The following REC114 variants were observed in gnomAD, a reference collection of about 807,000 sequenced individuals.
The protein encoded by REC114 is meiotic recombination protein REC114.
A neutral mutation model predicts 31.3 loss-of-function variants in REC114; 27 were observed. The ratio of observed to expected loss-of-function variants is 0.86; its 90% CI spans 0.64 to 1.19. The LOEUF (loss-of-function observed/expected upper bound fraction) is 1.19, where lower values mean the gene tolerates loss of function less well. Ranked by LOEUF, REC114 falls within the 50% of genes most tolerant of loss-of-function variation. The pLI is 0.00. For missense variants in REC114, 344 were observed against 326.9 expected, an observed-to-expected ratio of 1.05 and a Z score of -0.40; for synonymous variants, 134 against 127.7, an observed-to-expected ratio of 1.05 and a Z score of -0.33.
At chr15:73,539,282 ATTTTT>A (rs753968018) in intron 2 of REC114, among the ~76,000 whole-genome samples, 5 of 70,822 alleles carry the variant, frequency 7.1e-5, no homozygotes, top group East Asian at 4.8e-4. Flanking sequence ...TTCAGAACTG[ATTTTT>A]TTTTTTTTTT....
intron 3 of REC114, among the ~76,000 whole-genome samples, chr15:73,544,011 T>C (rs980116684): frequency 6.7e-6 from 1 of 148,472 alleles, no homozygotes; most frequent in Non-Finnish European, 1.5e-5. Flanking sequence ...AGTGTTGTGA[T>C]CTCTGCTCAC....
chr15:73,543,083 T>G (rs1402550454), intron 3 of REC114, among the ~76,000 whole-genome samples: 1 of 152,134 alleles, frequency 6.6e-6, no homozygotes, highest in African/African-American at 2.4e-5. Context: ...AAAACTAGTT[T>G]CTAATTTGAC....
chr15:73,501,721 A>G (rs1031420502), intron 2 of REC114, among the ~76,000 whole-genome samples: 1 of 152,198 alleles, frequency 6.6e-6, no homozygotes, highest in African/African-American at 2.4e-5. Flanking sequence ...CTAGGATTAC[A>G]GGTGTGAGCC....
At chr15:73,495,388 G>A (rs901705964) in intron 2 of REC114, among the ~76,000 whole-genome samples, 9 of 151,700 alleles carry the variant, frequency 5.9e-5, no homozygotes, top group Non-Finnish European at 7.4e-5. Flanking sequence ...TTTTGGGTAT[G>A]TTGAAAGTTT....
chr15:73,538,975 A>G (rs1894201350), intron 2 of REC114, among the ~76,000 whole-genome samples: 6 of 151,638 alleles, frequency 4.0e-5, no homozygotes, highest in Admixed American at 3.3e-4. Context: ...CTGTAAAATG[A>G]ATTCCCGGCA....
chr15:73,462,511 T>C (rs945086230), intron 1 of REC114, among the ~76,000 whole-genome samples: 1 of 152,182 alleles, frequency 6.6e-6, no homozygotes, highest in Non-Finnish European at 1.5e-5. Context: ...TCTAACAACT[T>C]GTATTCTAAA....
intron 4 of REC114, among the ~76,000 whole-genome samples, chr15:73,554,253 A>C (rs1028976358): frequency 3.3e-5 from 5 of 152,166 alleles, no homozygotes; most frequent in African/African-American, 1.2e-4. Context: ...AGAACATTCT[A>C]GTTTTCCTAA....
chr15:73,503,403 T>G (rs1252348825), intron 2 of REC114, among the ~76,000 whole-genome samples: 1 of 152,180 alleles, frequency 6.6e-6, no homozygotes, highest in Non-Finnish European at 1.5e-5. Flanking sequence ...AAATCTGACT[T>G]AAATTTTTTC....
intron 2 of REC114, among the ~76,000 whole-genome samples, chr15:73,499,813 C>T (rs1893579974): frequency 6.6e-6 from 1 of 152,104 alleles, no homozygotes; most frequent in Admixed American, 6.6e-5. Context: ...GAAAACTCTG[C>T]AGTTTTGCTT....
In REC114 at chr15:73,443,343, A is replaced by T; in HGVS notation, c.158A>T (p.Lys53Met). 1 of 1,570,238 alleles carries T rather than the reference A, an allele frequency of 6.4e-7. No homozygotes were observed. Among genetic ancestry groups the T allele is most frequent in the Non-Finnish European group, 8.6e-7 (1 of 1,159,194 alleles). The change falls in exon 1 of 6, where the codon AAG (lysine) becomes ATG (methionine). Residue 53 changes from lysine to methionine, a missense_variant and splice_region_variant. Physicochemically the swap from Lys to Met is moderately conservative, Grantham distance 95 (BLOSUM62 -1). Transcript: ENST00000331090. ...GGGACAGCCCCCTGCCCCACATGGA[A>T]GGTGAGGCCCGAAGGCAGGAATATC... Reference protein sequence around the residue: ...EAGTAPCPTWKVFDSNEESGY... With the variant: ...EAGTAPCPTWMVFDSNEESGY...
In REC114 at chr15:73,500,529, G is replaced by A. The variant is rs533129664; in HGVS notation, c.249+26608G>A. On this transcript the variant is annotated intron_variant, in intron 2 of 5. Transcript: ENST00000331090. ...GGTGAGATGGAGGCATTGTTCACTG[G>A]GGAGAGATCACGCATGGAGGAGCCT... Among the ~76,000 whole-genome samples the A allele has an allele frequency of 6.5e-4, 99 of 152,264 alleles. No individual in the cohort carries two copies. In the South Asian group the frequency reaches 0.011, roughly 18 times the overall value.
chr15:73,470,157 T>G (rs1483993448), intron 1 of REC114, among the ~76,000 whole-genome samples: 1 of 152,176 alleles, frequency 6.6e-6, no homozygotes, highest in Non-Finnish European at 1.5e-5. Context: ...GGGTTGGGTT[T>G]CAGTCTGTTA....
intron 2 of REC114, among the ~76,000 whole-genome samples, chr15:73,530,385 G>A (rs1192890351): frequency 6.6e-6 from 1 of 152,056 alleles, no homozygotes; most frequent in Non-Finnish European, 1.5e-5. Flanking sequence ...TTTTTGCCTG[G>A]GTGTGGTGGC....
intron 3 of REC114, 40 bp from the exon 4 acceptor site, chr15:73,550,898 G>C (rs149854650): frequency 1.9e-6 from 3 of 1,580,546 alleles, no homozygotes; most frequent in Non-Finnish European, 2.6e-6. Context: ...ATAGTTATAT[G>C]ATGAGGGTCT....
intron 2 of REC114, among the ~76,000 whole-genome samples, chr15:73,518,805 T>C (rs1893897647): frequency 6.6e-6 from 1 of 152,234 alleles, no homozygotes; most frequent in African/African-American, 2.4e-5. Context: ...ATAGGTAATC[T>C]TTTGACCTAA....
At chr15:73,530,418 T>G (rs918804786) in intron 2 of REC114, among the ~76,000 whole-genome samples, 1 of 152,210 alleles carries the variant, frequency 6.6e-6, no homozygotes, top group Non-Finnish European at 1.5e-5. Context: ...TCCCATCACT[T>G]TGGGAGGCCC....
At chr15:73,481,030 C>A (rs1460188731) in intron 2 of REC114, among the ~76,000 whole-genome samples, 5 of 152,144 alleles carry the variant, frequency 3.3e-5, no homozygotes, top group Admixed American at 1.3e-4. Context: ...TTAGCCATTT[C>A]TGTCTTAGTA....
intron 1 of REC114, among the ~76,000 whole-genome samples, chr15:73,458,585 A>G (rs2151253494): frequency 6.6e-6 from 1 of 152,356 alleles, no homozygotes; most frequent in East Asian, 1.9e-4. Context: ...AAAAGTCCAC[A>G]GCTGGTGTGG....
At chr15:73,468,685 T>TG (rs951821207) in intron 1 of REC114, among the ~76,000 whole-genome samples, 7 of 152,010 alleles carry the variant, frequency 4.6e-5, no homozygotes, top group African/African-American at 1.7e-4. Flanking sequence ...GTAGTTTTTT[T>TG]TTTTTTTTTA....
Sources: allele counts gnomAD v4.1 joint callset (sites outside exome capture counted in the v4.1 genomes callset), GRCh38; gene constraint gnomAD v4.1.1; transcripts MANE v1.5; gene names NCBI Gene and HGNC (gene_info 2026-07-23, HGNC 2026-07-21).